Variants in RYR3 observed in about 807,000 individuals in gnomAD.
RYR3 encodes the protein ryanodine receptor 3.
In RYR3, 207 loss-of-function variants were observed where a neutral mutation model predicts 584.3. The observed-to-expected ratio is 0.35, with a 90% CI of 0.32 to 0.40. RYR3 has a LOEUF of 0.40. RYR3 is among the 10% of genes least tolerant of loss of function. The pLI, the probability that RYR3 is intolerant of heterozygous loss-of-function variation, is 1.00. For missense variants in RYR3, 5,616 were observed against 6,089.2 expected (o/e 0.92, Z 2.59); for synonymous variants, 2,416 against 2,248.5 (o/e 1.07, Z -2.11).
At chr15:33,719,730 G>C (rs932588701) in intron 43 of RYR3, among the ~76,000 whole-genome samples, 1 of 152,200 alleles carries the variant, frequency 6.6e-6, no homozygotes, top group Non-Finnish European at 1.5e-5. Context: ...GGGCTTTTCT[G>C]TAAGTATCCC....
At position 33,821,504 on chromosome 15, in the gene RYR3, C is replaced by T. The variant is rs753509842; in HGVS notation, c.10916-19C>T. ...CCATCTGTTTCCTTGGTGATTCAAT[C>T]GAATCTTCACCATGGCAGGTGAGAT... On this transcript the variant is annotated intron_variant, in intron 79 of 103. Coordinates refer to ENST00000634891, the MANE Select transcript of RYR3 (RefSeq NM_001036.6). 20 of 1,613,408 alleles carry T rather than the reference C, an allele frequency of 1.2e-5. No homozygotes were observed. Among genetic ancestry groups the T allele is most frequent in the East Asian group, 2.2e-5 (1 of 44,888 alleles).
At chr15:33,431,086 A>C (rs2045103988) in intron 1 of RYR3, among the ~76,000 whole-genome samples, 1 of 152,260 alleles carries the variant, frequency 6.6e-6, no homozygotes, top group South Asian at 2.1e-4. Flanking sequence ...GGAGTAACTG[A>C]CACATTGCTT....
chr15:33,452,518 G>A (rs548509585), intron 1 of RYR3, among the ~76,000 whole-genome samples: 51 of 152,184 alleles, frequency 3.4e-4, no homozygotes, highest in African/African-American at 1.2e-3. Flanking sequence ...TTGAGTATTC[G>A]TTATTCTTAA....
chr15:33,676,167 C>T (rs904789120), intron 38 of RYR3, among the ~76,000 whole-genome samples: 21 of 149,570 alleles, frequency 1.4e-4, no homozygotes, highest in African/African-American at 5.2e-4. Context: ...AGATATGCAA[C>T]ATGAAAAGGG....
chr15:33,662,766 A>G lies in RYR3; in HGVS notation c.5236A>G (p.Ile1746Val). The G allele has an allele frequency of 6.2e-7, 1 of 1,614,094 alleles. No homozygotes were observed. ...GTTTGATGATGATGATGTTCGGCAG[A>G]TCCTCCTCCTGATTGATCCCTCTGT... is the stretch of plus-strand genomic sequence containing the variant. The part of the protein sequence containing the change: ...GVFDDDDVRQ[I>V]LLLIDPSVFG... Residue 1746 changes from isoleucine (I) to valine (V), a missense_variant, in exon 35 of 104, where the codon ATC (isoleucine) becomes GTC (valine). Around this residue, in one of 9 missense-constraint regions of RYR3, gnomAD observed 753 missense variants for 741.0 expected, o/e 1.02. Transcript: ENST00000634891.
intron 69 of RYR3, 35 bp downstream of exon 69, chr15:33,801,996 A>C: frequency 1.6e-6 from 2 of 1,262,292 alleles, no homozygotes; most frequent in South Asian, 2.4e-5. Flanking sequence ...AAAACTCTTC[A>C]ACCCTAACCT....
At chr15:33,433,632 T>C (rs1296082837) in intron 1 of RYR3, among the ~76,000 whole-genome samples, 1 of 152,196 alleles carries the variant, frequency 6.6e-6, no homozygotes. Context: ...TCTTTTGAAG[T>C]AACAAGTTTC....
intron 72 of RYR3, among the ~76,000 whole-genome samples, chr15:33,811,376 G>A (rs1289270739): frequency 6.6e-6 from 1 of 151,920 alleles, no homozygotes; most frequent in Admixed American, 6.6e-5. Context: ...GTGGTGGCGG[G>A]CGCCTGTAGT....
At chr15:33,498,062 G>GAAT (rs1277045579) in intron 2 of RYR3, among the ~76,000 whole-genome samples, 1 of 152,140 alleles carries the variant, frequency 6.6e-6, no homozygotes, top group Non-Finnish European at 1.5e-5. Flanking sequence ...TTTTATGGCT[G>GAAT]AATAATACTC....
Position 33,578,462 on chromosome 15 carries a change from A to G in RYR3, c.1269-1514A>G, listed in dbSNP as rs532651046. 4.1e-4 allele frequency among the ~76,000 whole-genome samples: 62 copies of G among 152,320 alleles called. 3 individuals are homozygous for G. The South Asian group carries it at 0.01, about 25-fold the overall frequency. ...ATGAGATCATGTCCTTAGCAGGGAC[A>G]TGGATGGAGCTGGAAGCGATTATCC... On this transcript the variant is annotated intron_variant, in intron 12 of 103. Transcript: ENST00000634891.
chr15:33,725,976 C>CACCGCCAAAA (rs1555427645), intron 45 of RYR3, among the ~76,000 whole-genome samples: 2 of 31,516 alleles, frequency 6.3e-5, no homozygotes, highest in African/African-American at 2.2e-4. Context: ...TCCCCCCCCC[C>CACCGCCAAAA]AAAAAAAAAA....
At chr15:33,361,397 C>A (rs1278702524) in intron 1 of RYR3, among the ~76,000 whole-genome samples, 1 of 152,142 alleles carries the variant, frequency 6.6e-6, no homozygotes, top group African/African-American at 2.4e-5. Flanking sequence ...AACTACCTAA[C>A]CATGCATGGG....
At chr15:33,789,151 G>A (rs1050129897) in intron 67 of RYR3, among the ~76,000 whole-genome samples, 3 of 152,058 alleles carry the variant, frequency 2.0e-5, no homozygotes, top group Non-Finnish European at 2.9e-5. Context: ...GGAGGCCAGT[G>A]TAGCTGAAGC....
At chr15:33,483,463 G>A (rs1457175491) in intron 2 of RYR3, among the ~76,000 whole-genome samples, 2 of 152,102 alleles carry the variant, frequency 1.3e-5, no homozygotes, top group Non-Finnish European at 2.9e-5. Flanking sequence ...TGTTGTAGCT[G>A]GCAGTTAAAT....
intron 72 of RYR3, 109 bp downstream of exon 72, chr15:33,811,146 G>GT: frequency 3.2e-6 from 3 of 926,294 alleles, no homozygotes; most frequent in Non-Finnish European, 5.1e-6. Context: ...TCCAAAAACA[G>GT]TTTGGGGGTA....
chr15:33,617,273 G>A (rs575235257), intron 19 of RYR3, among the ~76,000 whole-genome samples: 31 of 151,966 alleles, frequency 2.0e-4, no homozygotes, highest in African/African-American at 4.8e-4. Context: ...TTAGCTGGGC[G>A]TGGTGGCAGG....
At chr15:33,430,602 G>A (rs931736042) in intron 1 of RYR3, among the ~76,000 whole-genome samples, 31 of 152,286 alleles carry the variant, frequency 2.0e-4, no homozygotes, top group East Asian at 1.9e-4. Flanking sequence ...TGAGGTCTAC[G>A]GGCCAGAGAA....
chr15:33,826,369 A>T (rs1418610701), intron 83 of RYR3, 100 bp downstream of exon 83: 3 of 1,235,340 alleles, frequency 2.4e-6, no homozygotes, highest in Non-Finnish European at 2.4e-6. Flanking sequence ...TGGTAGTTGC[A>T]TGTTGAGTTG....
intron 38 of RYR3, among the ~76,000 whole-genome samples, chr15:33,693,312 C>A (rs57653033): frequency 0.014 from 2,141 of 152,348 alleles, 53 homozygotes; most frequent in African/African-American, 0.049. Flanking sequence ...CGCCACCACT[C>A]CAGCAGCGCC....
Sources: allele counts gnomAD v4.1 joint callset (sites outside exome capture counted in the v4.1 genomes callset), GRCh38; gene constraint gnomAD v4.1.1; regional missense constraint gnomAD v4.1.1; transcripts MANE v1.5; gene names NCBI Gene and HGNC (gene_info 2026-07-23, HGNC 2026-07-21).